The following CHSY3 variants were observed in gnomAD, a reference collection of about 807,000 sequenced individuals.
CHSY3 encodes chondroitin sulfate synthase 3, also known as N-acetylgalactosaminyl-proteoglycan 3-beta-glucuronosyltransferase 3.
A neutral mutation model predicts 67.2 loss-of-function variants in CHSY3; 35 were observed. The ratio of observed to expected loss-of-function variants is 0.52; its 90% CI spans 0.40 to 0.69. The LOEUF (loss-of-function observed/expected upper bound fraction) is 0.69, where lower values mean the gene tolerates loss of function less well. Ranked by LOEUF, CHSY3 falls within the 30% of genes least tolerant of loss-of-function variation. The pLI is 0.00. For missense variants in CHSY3, 1,069 were observed against 1,138.5 expected (o/e 0.94, Z 0.88); for synonymous variants, 474 against 434.7 (o/e 1.09, Z -1.12).
At chr5:130,146,314 C>G (rs950080380) in intron 2 of CHSY3, among the ~76,000 whole-genome samples, 2 of 151,998 alleles carry the variant, frequency 1.3e-5, no homozygotes, top group African/African-American at 4.8e-5. Flanking sequence ...ATGGTTGAAT[C>G]AGGAGGATAT....
At chr5:130,105,078 A>T (rs918666787) in intron 2 of CHSY3, among the ~76,000 whole-genome samples, 2 of 151,582 alleles carry the variant, frequency 1.3e-5, no homozygotes, top group Non-Finnish European at 3.0e-5. Flanking sequence ...AGTAGTTTTT[A>T]GGGATGAGTA....
chr5:129,958,495 C>G (rs1182035150), intron 2 of CHSY3, among the ~76,000 whole-genome samples: 1 of 152,074 alleles, frequency 6.6e-6, no homozygotes, highest in Non-Finnish European at 1.5e-5. Flanking sequence ...CTCCAGGTCA[C>G]TTTAACATTT....
At chr5:130,079,261 T>C (rs911764484) in intron 2 of CHSY3, among the ~76,000 whole-genome samples, 2 of 152,126 alleles carry the variant, frequency 1.3e-5, no homozygotes, top group Non-Finnish European at 2.9e-5. Context: ...AATTTAGACC[T>C]GACTTGTATT....
chr5:129,924,714 A>C (rs906092589), intron 2 of CHSY3, among the ~76,000 whole-genome samples: 1 of 151,134 alleles, frequency 6.6e-6, no homozygotes, highest in African/African-American at 2.4e-5. Context: ...TATCATCTTT[A>C]TTCTTTTTTT....
chr5:130,122,680 C>T (rs1300643899), intron 2 of CHSY3, among the ~76,000 whole-genome samples: 1 of 152,062 alleles, frequency 6.6e-6, no homozygotes, highest in East Asian at 1.9e-4. Flanking sequence ...AAAATGAAAG[C>T]GGTTTTTGTT....
chr5:130,036,667 G>A (rs1476794599), intron 2 of CHSY3, among the ~76,000 whole-genome samples: 1 of 152,078 alleles, frequency 6.6e-6, no homozygotes, highest in Admixed American at 6.6e-5. Flanking sequence ...TCCTTCCTTC[G>A]GCTCCCTAAG....
chr5:129,926,855 C>T (rs1379549942), intron 2 of CHSY3, among the ~76,000 whole-genome samples: 1 of 151,732 alleles, frequency 6.6e-6, no homozygotes, highest in African/African-American at 2.4e-5. Flanking sequence ...TTTATATATT[C>T]AATTCACTAA....
At chr5:129,916,707 G>T (rs1269797633) in intron 2 of CHSY3, among the ~76,000 whole-genome samples, 1 of 152,162 alleles carries the variant, frequency 6.6e-6, no homozygotes, top group Non-Finnish European at 1.5e-5. Context: ...GTAGCTAAAT[G>T]ATTTTATTTG....
intron 2 of CHSY3, among the ~76,000 whole-genome samples, chr5:130,004,584 T>G (rs1763820029): frequency 6.6e-6 from 1 of 152,178 alleles, no homozygotes; most frequent in African/African-American, 2.4e-5. Flanking sequence ...GATGCAAAAA[T>G]GTAAGACTCG....
At chr5:130,074,693 T>C (rs1385806168) in intron 2 of CHSY3, among the ~76,000 whole-genome samples, 2 of 152,314 alleles carry the variant, frequency 1.3e-5, no homozygotes, top group East Asian at 3.9e-4. Context: ...AGAAATAATT[T>C]ATTAAAGATT....
rs1273715954 is a variant in CHSY3 at position 130,122,346 on chromosome 5, TAAG to T, written c.1087-61881_1087-61879del. Among the ~76,000 whole-genome samples the T allele has an allele frequency of 2.0e-5, 3 of 152,320 alleles. No homozygotes were observed. The East Asian group carries it at 5.8e-4, about 29-fold the overall frequency. ...ACTTTAAGATAATATTTGGGCAAAA[TAAG>T]AGATTAATCTAATCTAAGCCAAACT... On this transcript the variant is annotated intron_variant, in intron 2 of 2. Transcript: ENST00000305031.
intron 2 of CHSY3, among the ~76,000 whole-genome samples, chr5:130,178,591 T>C (rs1770152345): frequency 6.6e-6 from 1 of 152,048 alleles, no homozygotes; most frequent in African/African-American, 2.4e-5. Flanking sequence ...CCCTCACTTT[T>C]CTGAAGATAG....
chr5:130,095,213 A>G (rs1488523842), intron 2 of CHSY3, among the ~76,000 whole-genome samples: 1 of 152,230 alleles, frequency 6.6e-6, no homozygotes, highest in African/African-American at 2.4e-5. Context: ...TGAGGAGACT[A>G]GAAGCAGTAA....
At position 129,946,159 on chromosome 5, in the gene CHSY3, T is replaced by C. The variant is rs73785821; in HGVS notation, c.1086+37799T>C. On this transcript the variant is annotated intron_variant, in intron 2 of 2. Transcript: ENST00000305031. Reference sequence around the variant, plus strand: ...GTTATTTCTTTTGTCCTTAGGTATGTGGCTTGATGTTAAATAGTGCAGTTG... The same window carrying C: ...GTTATTTCTTTTGTCCTTAGGTATGCGGCTTGATGTTAAATAGTGCAGTTG... Among the ~76,000 whole-genome samples the C allele has an allele frequency of 5.5e-3, 841 of 152,290 alleles. 5 individuals are homozygous for C. Among genetic ancestry groups the C allele is most frequent in the African/African-American group, 0.019 (793 of 41,546 alleles).
chr5:129,929,684 T>G (rs925716122), intron 2 of CHSY3, among the ~76,000 whole-genome samples: 5 of 152,224 alleles, frequency 3.3e-5, no homozygotes, highest in African/African-American at 1.2e-4. Flanking sequence ...ACAACTTTGT[T>G]GAAATCCTTA....
chr5:129,978,560 C>T lies in CHSY3; in HGVS notation c.1086+70200C>T, dbSNP rs563995835. On this transcript the variant is annotated intron_variant, in intron 2 of 2. Coordinates refer to ENST00000305031, the MANE Select transcript of CHSY3 (RefSeq NM_175856.5). The stretch of plus-strand genomic sequence containing the variant: ...TTCTATATTCCTTACTGTGTGGATA[C>T]AAAGATGAATTACAAACAGTTCTTG... Among the ~76,000 whole-genome samples the T allele has an allele frequency of 3.3e-5, 5 of 152,190 alleles. 1 individual carries two copies. In the South Asian group the frequency reaches 1.0e-3, roughly 32 times the overall value.
chr5:130,016,431 G>A (rs899225001), intron 2 of CHSY3, among the ~76,000 whole-genome samples: 1 of 152,098 alleles, frequency 6.6e-6, no homozygotes, highest in African/African-American at 2.4e-5. Flanking sequence ...TATTTTTTGA[G>A]ACGAAGTCTC....
intron 2 of CHSY3, among the ~76,000 whole-genome samples, chr5:130,025,749 T>C (rs548262836): frequency 6.6e-6 from 1 of 152,150 alleles, no homozygotes; most frequent in Non-Finnish European, 1.5e-5. Context: ...ATAAATGTAC[T>C]AACTCCATTC....
At chr5:130,137,131 T>C (rs1768689848) in intron 2 of CHSY3, among the ~76,000 whole-genome samples, 1 of 152,218 alleles carries the variant, frequency 6.6e-6, no homozygotes, top group Non-Finnish European at 1.5e-5. Context: ...TTCTACTATT[T>C]AAAAATGAGA....
Sources: allele counts gnomAD v4.1 joint callset (sites outside exome capture counted in the v4.1 genomes callset), GRCh38; gene constraint gnomAD v4.1.1; transcripts MANE v1.5; gene names NCBI Gene and HGNC (gene_info 2026-07-23, HGNC 2026-07-21).